NDUFAF6: variants seen among roughly 807,000 people sequenced by gnomAD.
The protein encoded by NDUFAF6 is NADH dehydrogenase (ubiquinone) complex I, assembly factor 6.
Under a neutral mutation model 40.8 loss-of-function variants are expected in NDUFAF6, and 45 were observed. The observed-to-expected ratio is 1.10, with a 90% CI of 0.87 to 1.42. The LOEUF (loss-of-function observed/expected upper bound fraction) is 1.42. Among genes scored for constraint, NDUFAF6 ranks in the 40% most tolerant of loss-of-function variants. NDUFAF6 has a pLI of 0.00. For missense variants in NDUFAF6, 435 were observed against 418.5 expected, an observed-to-expected ratio of 1.04 and a Z score of -0.34; for synonymous variants, 185 against 155.9, an observed-to-expected ratio of 1.19 and a Z score of -1.39.
intron 9 of NDUFAF6, among the ~76,000 whole-genome samples, chr8:95,073,333 A>G (rs1832932621): frequency 1.3e-5 from 2 of 152,232 alleles, no homozygotes; most frequent in South Asian, 4.1e-4. Context: ...AAGCCACTGG[A>G]AAAGACAGGA....
At chr8:95,009,892 A>T (rs1827158721) in intron 2 of NDUFAF6, among the ~76,000 whole-genome samples, 1 of 152,204 alleles carries the variant, frequency 6.6e-6, no homozygotes, top group Admixed American at 6.5e-5. Context: ...TAAAGTAATG[A>T]TTGTTGTTTC....
intron 2 of NDUFAF6, among the ~76,000 whole-genome samples, chr8:95,033,322 G>A (rs894355285): frequency 6.6e-6 from 1 of 152,126 alleles, no homozygotes; most frequent in African/African-American, 2.4e-5. Context: ...GGGATTACAG[G>A]CATAAGCCAC....
At chr8:95,078,664 T>TAC (rs1678960741), downstream of NDUFAF6, 1 of 84,898 alleles carries the variant, frequency 1.2e-5, no homozygotes, top group Non-Finnish European at 2.5e-5. Context: ...AAAAAAAAAA[T>TAC]ATATATATAT....
At chr8:95,115,023 C>A (rs1409024002) in intron 4 of NDUFAF6, among the ~76,000 whole-genome samples, 2 of 150,642 alleles carry the variant, frequency 1.3e-5, no homozygotes, top group Non-Finnish European at 2.9e-5. Context: ...GATCACACCA[C>A]TGCACTCCAG....
intron 1 of NDUFAF6, among the ~76,000 whole-genome samples, chr8:94,935,089 CGGT>C (rs974015927): frequency 5.3e-5 from 8 of 149,954 alleles, no homozygotes; most frequent in South Asian, 2.1e-4. Context: ...AAACAGGAAA[CGGT>C]AGGTAGGTAG....
downstream of NDUFAF6, among the ~76,000 whole-genome samples, chr8:95,060,053 T>C (rs1832533925): frequency 6.7e-6 from 1 of 148,340 alleles, no homozygotes; most frequent in African/African-American, 2.5e-5. Flanking sequence ...ATTACGCGAC[T>C]GGATTAGTGG....
At chr8:95,098,536 C>T (rs1443775006), upstream of NDUFAF6, among the ~76,000 whole-genome samples, 1 of 152,172 alleles carries the variant, frequency 6.6e-6, no homozygotes, top group Non-Finnish European at 1.5e-5. Context: ...CATGGTGGCA[C>T]ACACCTGTAA....
chr8:95,074,431 C>A (rs1832971378), intron 9 of NDUFAF6, among the ~76,000 whole-genome samples: 1 of 113,700 alleles, frequency 8.8e-6, no homozygotes, highest in Non-Finnish European at 1.9e-5. Flanking sequence ...TGACCTGTGG[C>A]TGAGATTTCC....
At chr8:95,071,226 TA>T (rs35504875) in intron 9 of NDUFAF6, among the ~76,000 whole-genome samples, 2 of 45,680 alleles carry the variant, frequency 4.4e-5, no homozygotes, top group Non-Finnish European at 8.8e-5. Context: ...CCGTCTCTAC[TA>T]AAAATACAAA....
At chr8:94,950,687 T>G (rs1822524447) in intron 2 of NDUFAF6, 1 of 152,204 alleles carries the variant, frequency 6.6e-6, no homozygotes, top group African/African-American at 2.4e-5. Flanking sequence ...GCTTTGGATT[T>G]TAGGTTTTTG....
intron 4 of NDUFAF6, among the ~76,000 whole-genome samples, chr8:95,042,781 A>T (rs1391803804): frequency 6.6e-6 from 1 of 152,214 alleles, no homozygotes; most frequent in Non-Finnish European, 1.5e-5. Context: ...GTTACTGATA[A>T]AGGGTAGACA....
intron 2 of NDUFAF6, among the ~76,000 whole-genome samples, chr8:95,088,992 C>A (rs1013342950): frequency 6.6e-6 from 1 of 151,224 alleles, no homozygotes; most frequent in Non-Finnish European, 1.5e-5. Context: ...GAACTTCTGA[C>A]CTCAAATGAT....
intron 2 of NDUFAF6, chr8:95,088,020 A>C (rs1425893907): frequency 6.6e-6 from 1 of 152,334 alleles, no homozygotes; most frequent in African/African-American, 2.4e-5. Context: ...TCTTCTTGGC[A>C]GCACTGAAGA....
downstream of NDUFAF6, among the ~76,000 whole-genome samples, chr8:95,106,148 A>G (rs1809836625): frequency 6.6e-6 from 1 of 151,780 alleles, no homozygotes; most frequent in African/African-American, 2.4e-5. Context: ...GGTGGCAGGC[A>G]CCTGTGGTCC....
chr8:95,067,282 G>A (rs934099935), intron 9 of NDUFAF6: 1 of 151,894 alleles, frequency 6.6e-6, no homozygotes, highest in African/African-American at 2.4e-5. Context: ...ACAGCTCAGG[G>A]CAGGCATTTT....
chr8:95,073,378 G>T (rs2132038979), intron 9 of NDUFAF6, among the ~76,000 whole-genome samples: 1 of 152,346 alleles, frequency 6.6e-6, no homozygotes, highest in Non-Finnish European at 1.5e-5. Flanking sequence ...GCAAGATGAG[G>T]CCGAGTAGGC....
intron 2 of NDUFAF6, among the ~76,000 whole-genome samples, chr8:94,986,986 A>G (rs1002625590): frequency 6.6e-6 from 1 of 152,210 alleles, no homozygotes; most frequent in Non-Finnish European, 1.5e-5. Flanking sequence ...AAGGAACACC[A>G]TTATGAATAG....
At chr8:95,010,091 T>C (rs1827166650) in intron 2 of NDUFAF6, among the ~76,000 whole-genome samples, 1 of 152,014 alleles carries the variant, frequency 6.6e-6, no homozygotes, top group Non-Finnish European at 1.5e-5. Flanking sequence ...AAAAGCTTAG[T>C]TGTACTTTTT....
rs370976761 is a variant in NDUFAF6, at chr8:95,069,910, A to G, written c.*512-5723A>G. The stretch of plus-strand genomic sequence containing the variant: ...CAGTTTAAAATGTTCTTGATGTTAC[A>G]TAATGAGTTAGAAACCTGTCCAGCC... On this transcript the variant is annotated intron_variant and NMD_transcript_variant, in intron 9 of 9. Coordinates refer to the NDUFAF6 transcript ENST00000520757. Among the ~76,000 whole-genome samples the G allele has an allele frequency of 4.7e-3, 703 of 150,854 alleles. 9 individuals are homozygous for G. Among genetic ancestry groups the G allele is most frequent in the African/African-American group, 0.016 (660 of 40,498 alleles).
Sources: gnomAD v4.1 joint callset for allele counts (sites outside exome capture counted in the v4.1 genomes callset) on GRCh38, gnomAD v4.1.1 for gene constraint, MANE v1.5 for transcripts, NCBI Gene and HGNC (gene_info 2026-07-23, HGNC 2026-07-21) for gene names.